Variants in FAF1 observed in about 807,000 individuals in gnomAD.
FAF1 encodes Fas associated factor 1.
A neutral mutation model predicts 92.5 loss-of-function variants in FAF1; 25 were observed. That is an observed-to-expected ratio of 0.27 (90% CI 0.20 to 0.38). The LOEUF (loss-of-function observed/expected upper bound fraction) is 0.38, where lower values mean the gene tolerates loss of function less well. FAF1 is among the 10% of genes least tolerant of loss of function. The pLI is 1.00. For synonymous variants in FAF1, 234 were observed against 273.2 expected, an observed-to-expected ratio of 0.86 and a Z score of 1.42; for missense variants, 636 against 793.3, an observed-to-expected ratio of 0.80 and a Z score of 2.38.
At chr1:50,637,063 A>G (rs1271228611) in intron 8 of FAF1, among the ~76,000 whole-genome samples, 3 of 152,080 alleles carry the variant, frequency 2.0e-5, no homozygotes, top group African/African-American at 7.2e-5. Context: ...GTCTTTACAC[A>G]AATATCACAT....
chr1:50,546,401 T>C (rs1201645320), intron 13 of FAF1, among the ~76,000 whole-genome samples: 1 of 152,232 alleles, frequency 6.6e-6, no homozygotes, highest in Non-Finnish European at 1.5e-5. Flanking sequence ...AGTCTCACTC[T>C]GTCGTCTAGG....
chr1:50,720,130 T>C (rs1182043248), intron 6 of FAF1, among the ~76,000 whole-genome samples: 1 of 152,036 alleles, frequency 6.6e-6, no homozygotes, highest in Non-Finnish European at 1.5e-5. Context: ...GCCTCCCAAG[T>C]AGTTGGGATT....
chr1:50,819,817 A>ATATG (rs1281135162), intron 2 of FAF1, among the ~76,000 whole-genome samples: 1 of 139,614 alleles, frequency 7.2e-6, no homozygotes. Context: ...ATATATATAT[A>ATATG]TAGTATTGTA....
chr1:50,610,761 G>A (rs1407518253), intron 8 of FAF1, among the ~76,000 whole-genome samples: 1 of 151,940 alleles, frequency 6.6e-6, no homozygotes, highest in Admixed American at 6.6e-5. Flanking sequence ...ACACCTGTTA[G>A]GCTTCTTCAT....
intron 6 of FAF1, among the ~76,000 whole-genome samples, chr1:50,722,457 G>A (rs1025631753): frequency 2.6e-5 from 4 of 152,080 alleles, no homozygotes; most frequent in Admixed American, 1.3e-4. Context: ...GACCAGCCTG[G>A]CTAACATGGT....
At chr1:50,761,003 G>T (rs1355178634) in intron 4 of FAF1, among the ~76,000 whole-genome samples, 1 of 152,088 alleles carries the variant, frequency 6.6e-6, no homozygotes, top group East Asian at 1.9e-4. Flanking sequence ...TGATAAAGGG[G>T]ATATCACCAC....
intron 1 of FAF1, among the ~76,000 whole-genome samples, chr1:50,954,064 TCAGCCTCCCGAGTAGCTGGGACTA>T (rs1645244381): frequency 6.6e-6 from 1 of 151,938 alleles, no homozygotes; most frequent in Non-Finnish European, 1.5e-5. Context: ...TTCTCCTGCC[TCAGCCTCCCGAGTAGCTGGGACTA>T]CAGGTGCCCG....
chr1:50,574,237 C>T (rs1237317737), intron 12 of FAF1, among the ~76,000 whole-genome samples: 20 of 152,184 alleles, frequency 1.3e-4, no homozygotes, highest in Admixed American at 1.2e-3. Context: ...TCAGGTAATA[C>T]AATATATTTG....
chr1:50,664,965 T>G (rs1045515931), intron 7 of FAF1, among the ~76,000 whole-genome samples: 6 of 152,238 alleles, frequency 3.9e-5, no homozygotes, highest in Admixed American at 2.0e-4. Context: ...GGAACAATAC[T>G]TTTCCAATTA....
At chr1:50,887,583 G>A (rs906945023) in intron 1 of FAF1, among the ~76,000 whole-genome samples, 2 of 152,162 alleles carry the variant, frequency 1.3e-5, no homozygotes, top group Admixed American at 6.5e-5. Flanking sequence ...TCCAGTTTCA[G>A]CTTTCTACAT....
At chr1:50,663,587 T>C (rs1351421344) in intron 7 of FAF1, among the ~76,000 whole-genome samples, 1 of 151,320 alleles carries the variant, frequency 6.6e-6, no homozygotes, top group East Asian at 1.9e-4. Flanking sequence ...ATTTTTTTAG[T>C]AGAGACAGGG....
chr1:50,874,758 CTTTTTTTTTTTTTT>C (rs755424291), intron 1 of FAF1, among the ~76,000 whole-genome samples: 8 of 67,226 alleles, frequency 1.2e-4, no homozygotes, highest in Admixed American at 4.2e-4. Flanking sequence ...TCTTTTCTTT[CTTTTTTTTTTTTTT>C]TTTTTTTTTT....
chr1:50,914,398 T>C (rs1174603666), intron 1 of FAF1, among the ~76,000 whole-genome samples: 1 of 152,228 alleles, frequency 6.6e-6, no homozygotes, highest in Non-Finnish European at 1.5e-5. Flanking sequence ...TTCTCTACCA[T>C]CAATTCTTAA....
intron 13 of FAF1, among the ~76,000 whole-genome samples, chr1:50,552,065 C>T (rs912252975): frequency 1.4e-4 from 22 of 152,036 alleles, no homozygotes; most frequent in Admixed American, 9.8e-4. Flanking sequence ...GTTGCCAAGG[C>T]GGGCGGATCA....
intron 7 of FAF1, among the ~76,000 whole-genome samples, chr1:50,695,948 CTTTTTTTTTTT>C (rs767839672): frequency 7.7e-6 from 1 of 129,394 alleles, no homozygotes; most frequent in African/African-American, 2.8e-5. Flanking sequence ...CGTGCTTGGC[CTTTTTTTTTTT>C]TTTTTTTTTT....
intron 7 of FAF1, among the ~76,000 whole-genome samples, chr1:50,704,321 C>T (rs957536775): frequency 6.6e-6 from 1 of 152,056 alleles, no homozygotes; most frequent in African/African-American, 2.4e-5. Flanking sequence ...CTAGAAAATT[C>T]AACCCCGAAG....
chr1:50,817,613 C>T (rs1485772716), intron 2 of FAF1, among the ~76,000 whole-genome samples: 2 of 152,118 alleles, frequency 1.3e-5, no homozygotes, highest in Non-Finnish European at 2.9e-5. Flanking sequence ...GAACTGCAAA[C>T]TTAAAATTGG....
At chr1:50,492,837 A>C (rs1381871010) in intron 15 of FAF1, among the ~76,000 whole-genome samples, 2 of 152,194 alleles carry the variant, frequency 1.3e-5, no homozygotes, top group Non-Finnish European at 2.9e-5. Flanking sequence ...TACATCTTCT[A>C]GTTCCAATAA....
chr1:50,842,607 C>T (rs1644264996), intron 2 of FAF1, among the ~76,000 whole-genome samples: 1 of 152,064 alleles, frequency 6.6e-6, no homozygotes, highest in Non-Finnish European at 1.5e-5. Context: ...ATTCTAGCCA[C>T]ATTAGATTTC....
Sources: gnomAD v4.1 joint callset for allele counts (sites outside exome capture counted in the v4.1 genomes callset) on GRCh38, gnomAD v4.1.1 for gene constraint, MANE v1.5 for transcripts, NCBI Gene and HGNC (gene_info 2026-07-23, HGNC 2026-07-21) for gene names.